ABCA9: variants seen among roughly 807,000 people sequenced by gnomAD.
ABCA9 encodes the protein ATP-binding cassette sub-family A member 9.
ABCA9 carries 183 observed loss-of-function variants against 205.3 expected under a neutral mutation model. The observed-to-expected ratio is 0.89, with a 90% confidence interval of 0.79 to 1.01. ABCA9 has a LOEUF of 1.01. Ranked by LOEUF, ABCA9 falls within the 50% of genes least tolerant of loss-of-function variation. ABCA9 has a pLI of 0.00. For synonymous variants in ABCA9, 651 were observed against 683.3 expected, an observed-to-expected ratio of 0.95 and a Z score of 0.74; for missense variants, 1,805 against 1,912.4, an observed-to-expected ratio of 0.94 and a Z score of 1.05.
Position 68,985,141 on chromosome 17 carries a change from G to C in ABCA9, c.4209-13C>G, listed in dbSNP as rs780194096. 6.2e-7 allele frequency: 1 copy of C among 1,613,930 alleles called. No individual in the cohort carries two copies. Among genetic ancestry groups the C allele is most frequent in the East Asian group, 2.2e-5 (1 of 44,882 alleles). On this transcript the variant is annotated splice_polypyrimidine_tract_variant and intron_variant, in intron 32 of 38. Transcript: ENST00000340001. Reference sequence around the variant, plus strand: ...CGCATCCACTAACCTGAAGAAAACAGAGTCAATCCACATAATCCCAACACT... The same window carrying C: ...CGCATCCACTAACCTGAAGAAAACACAGTCAATCCACATAATCCCAACACT...
intron 21 of ABCA9, among the ~76,000 whole-genome samples, chr17:69,017,359 A>G (rs750109253): frequency 4.6e-5 from 7 of 152,158 alleles, no homozygotes; most frequent in Non-Finnish European, 1.0e-4. Context: ...CTCAGTTCCA[A>G]CTGAGAATGA....
intron 10 of ABCA9, among the ~76,000 whole-genome samples, chr17:69,031,637 T>C (rs1307773382): frequency 1.3e-5 from 2 of 152,194 alleles, no homozygotes; most frequent in Admixed American, 6.5e-5. Flanking sequence ...GATGTTTCCT[T>C]CCCATCTCTC....
In ABCA9 at chr17:68,986,988, T is replaced by C. The variant is rs144858832; in HGVS notation, c.4048-664A>G. 2.1e-3 allele frequency among the ~76,000 whole-genome samples: 313 copies of C among 152,336 alleles called. 2 individuals carry two copies. The highest frequency in any genetic ancestry group is 6.8e-3 in the African/African-American group (283 of 41,582). On this transcript the variant is annotated intron_variant, in intron 31 of 38. Transcript: ENST00000340001. ...CCCGTAGGAACCAATATACACATGA[T>C]AGCATTTATTATTTTTATTAGCCAG...
upstream of ABCA9, among the ~76,000 whole-genome samples, chr17:69,062,855 C>CA (rs1490724099): frequency 1.3e-5 from 2 of 152,176 alleles, no homozygotes; most frequent in African/African-American, 2.4e-5. Flanking sequence ...TTTACCAATT[C>CA]AAAAACAATC....
rs1339315436 is a variant in ABCA9, at chr17:69,027,097, T to C, written c.1929A>G (p.Glu643=). The C allele has an allele frequency of 6.2e-7, 1 of 1,613,972 alleles. No individual in the cohort carries two copies. Among genetic ancestry groups the C allele is most frequent in the Non-Finnish European group, 8.5e-7 (1 of 1,180,002 alleles). The change falls in exon 15 of 39, where the codon GAA becomes GAG. Residue 643 remains glutamate, a synonymous_variant. Coordinates refer to ENST00000340001, the MANE Select transcript of ABCA9 (RefSeq NM_080283.4). ...AAAGAGGATCCAATCCAGCAGTCGG[T>C]TCATCCAATAGCAAAACCTGGACAG... ...LGDPQVLLLD[E]PTAGLDPLSR... is the part of the protein sequence containing the mutation.
intron 23 of ABCA9, among the ~76,000 whole-genome samples, chr17:69,009,071 CTTAT>C (rs2070272742): frequency 6.6e-6 from 1 of 152,146 alleles, no homozygotes; most frequent in Non-Finnish European, 1.5e-5. Flanking sequence ...TATTCATCAA[CTTAT>C]TTAATATATA....
At chr17:68,992,300 C>T (rs1403833814) in intron 27 of ABCA9, 34 bp from the exon 28 acceptor site, 1 of 1,299,554 alleles carries the variant, frequency 7.7e-7, no homozygotes. Flanking sequence ...CAATTAGTAT[C>T]ACTATAAATG....
At chr17:69,034,672 A>C (rs915978693) in intron 8 of ABCA9, 1 of 152,160 alleles carries the variant, frequency 6.6e-6, no homozygotes, top group African/African-American at 2.4e-5. Context: ...GAATGAGAAA[A>C]AAGGAGGGCA....
the ABCA9 span, among the ~76,000 whole-genome samples, chr17:69,074,249 A>AT: frequency 6.6e-6 from 1 of 152,022 alleles, no homozygotes; most frequent in Non-Finnish European, 1.5e-5. Context: ...AAATATTTTT[A>AT]TTTTTATAAT....
At chr17:68,985,384 G>A (rs987403186) in intron 32 of ABCA9, among the ~76,000 whole-genome samples, 1 of 152,190 alleles carries the variant, frequency 6.6e-6, no homozygotes, top group Admixed American at 6.5e-5. Flanking sequence ...AGCACTTTGG[G>A]AGGCTGAGGC....
chr17:69,028,582 T>A lies in ABCA9; in HGVS notation c.1568A>T (p.Lys523Ile). ...TALLGHSGAGKTTLLNILSGL... is the reference protein window; with the variant it reads ...TALLGHSGAGITTLLNILSGL... ...ACTAAGTATGTTTAACAGGGTAGTT[T>A]TTCCAGCTCCACTGTGACCAAGGAG... The change falls in exon 12 of 39, where the codon AAA (lysine) becomes ATA (isoleucine). Residue 523 changes from lysine to isoleucine, a missense_variant. Lys to Ile is a moderately radical substitution (Grantham distance 102, BLOSUM62 -3). Coordinates refer to ENST00000340001, the MANE Select transcript of ABCA9 (RefSeq NM_080283.4). 6.2e-7 allele frequency: 1 copy of A among 1,611,028 alleles called. No individual in the cohort carries two copies. Among genetic ancestry groups the A allele is most frequent in the Non-Finnish European group, 8.5e-7 (1 of 1,178,422 alleles).
chr17:69,007,687 T>A, intron 25 of ABCA9, 72 bp downstream of exon 25: 2 of 1,012,092 alleles, frequency 2.0e-6, no homozygotes, highest in South Asian at 2.9e-5. Context: ...CCACTCTGCT[T>A]AGCACAAAGA....
intron 16 of ABCA9, among the ~76,000 whole-genome samples, chr17:69,025,577 G>A (rs2070953768): frequency 6.6e-6 from 1 of 152,120 alleles, no homozygotes; most frequent in Non-Finnish European, 1.5e-5. Flanking sequence ...TGGTAGATTT[G>A]TAACAAGTAG....
At position 68,982,609 on chromosome 17, in the gene ABCA9, A is replaced by G. The variant is rs931544567; in HGVS notation, c.4673T>C (p.Val1558Ala). ...CTGTGATAAAGGTCGCACATCCTCA[A>G]CAGGCAACTTATAGACCATCAGGGA... Reference protein sequence around the residue: ...FSSLMVYKLPVEDVRPLSQAF... With the variant: ...FSSLMVYKLPAEDVRPLSQAF... The change falls in exon 37 of 39, where the codon GTT becomes GCT. Residue 1558 changes from valine to alanine, a missense_variant. Coordinates refer to ENST00000340001, the MANE Select transcript of ABCA9 (RefSeq NM_080283.4). 6.2e-7 allele frequency: 1 copy of G among 1,614,118 alleles called. No homozygotes were observed.
At chr17:69,030,760 T>C (rs1373417698) in intron 10 of ABCA9, among the ~76,000 whole-genome samples, 1 of 152,228 alleles carries the variant, frequency 6.6e-6, no homozygotes. Context: ...GCAATAGAAA[T>C]GATAAATTTT....
chr17:69,035,882 G>A, intron 6 of ABCA9, 81 bp from the exon 7 acceptor site: 1 of 1,491,352 alleles, frequency 6.7e-7, no homozygotes, highest in Non-Finnish European at 9.0e-7. Context: ...AATGATTTGT[G>A]AAGCTCACCA....
chr17:68,998,077 G>T (rs1387246341), intron 25 of ABCA9, among the ~76,000 whole-genome samples: 2 of 152,066 alleles, frequency 1.3e-5, no homozygotes, highest in Admixed American at 1.3e-4. Flanking sequence ...TTAGTAATAC[G>T]CATTTAAGTT....
intron 25 of ABCA9, among the ~76,000 whole-genome samples, chr17:68,998,388 C>T (rs542389998): frequency 6.6e-6 from 1 of 152,272 alleles, no homozygotes; most frequent in South Asian, 2.1e-4. Flanking sequence ...AATTCCATTT[C>T]CTTTCCCTCA....
At chr17:69,039,583 G>A (rs2071467034) in intron 6 of ABCA9, among the ~76,000 whole-genome samples, 1 of 152,138 alleles carries the variant, frequency 6.6e-6, no homozygotes, top group East Asian at 1.9e-4. Context: ...TTGAACATAA[G>A]ATCTAAAACC....
Sources: allele counts gnomAD v4.1 joint callset (sites outside exome capture counted in the v4.1 genomes callset), GRCh38; gene constraint gnomAD v4.1.1; transcripts MANE v1.5; gene names NCBI Gene and HGNC (gene_info 2026-07-23, HGNC 2026-07-21).